Variants in WDR64 observed in about 807,000 individuals in gnomAD.
WDR64 encodes the protein WD repeat domain 64.
In WDR64, 112 loss-of-function variants were observed where a neutral mutation model predicts 139.3. That is an observed-to-expected ratio of 0.80 (90% CI 0.69 to 0.94). The LOEUF (loss-of-function observed/expected upper bound fraction) is 0.94. Ranked by LOEUF, WDR64 falls within the 40% of genes least tolerant of loss-of-function variation. The pLI is 0.00. For missense variants in WDR64, 1,206 were observed against 1,293.1 expected (o/e 0.93, Z 1.03); for synonymous variants, 444 against 437.7 (o/e 1.01, Z -0.18).
In WDR64 at chr1:241,671,161, C is replaced by T. The variant is rs761560844; in HGVS notation, c.364C>T (p.Arg122Ter). 28 of 1,547,680 alleles carry T rather than the reference C, an allele frequency of 1.8e-5. No homozygotes were observed. The highest frequency in any genetic ancestry group is 1.2e-4 in the East Asian group (5 of 40,858). The change falls in exon 3 of 28, where the codon CGA (arginine) becomes TGA (stop). Residue 122 changes from arginine to a stop codon, truncating the protein, a stop_gained. Transcript: ENST00000437684. LOFTEE classifies it high-confidence loss of function. ...NLVFFVSRKR[R>*]ILISGSRRRD... The stretch of plus-strand genomic sequence containing the variant: ...GGTTTTCTTTGTGTCTAGAAAAAGG[C>T]GAATTTTAATTTCAGGTGACATTTT...
chr1:241,721,767 C>T (rs1668620544), intron 9 of WDR64, among the ~76,000 whole-genome samples: 2 of 152,034 alleles, frequency 1.3e-5, no homozygotes, highest in South Asian at 4.1e-4. Context: ...TAAATGATTA[C>T]AGTTTTTATT....
intron 12 of WDR64, among the ~76,000 whole-genome samples, chr1:241,743,357 A>G (rs1245594540): frequency 2.0e-5 from 3 of 152,130 alleles, no homozygotes; most frequent in Non-Finnish European, 4.4e-5. Context: ...AACCCTGTCT[A>G]TAATCAGGGA....
chr1:241,783,232 A>G (rs1349788316), intron 22 of WDR64, 40 bp from the exon 23 acceptor site: 8 of 1,531,276 alleles, frequency 5.2e-6, no homozygotes, highest in Non-Finnish European at 9.0e-7. Flanking sequence ...TTACTAGCAT[A>G]TAGTTATTCC....
intron 2 of WDR64, among the ~76,000 whole-genome samples, chr1:241,661,951 G>A (rs1412819919): frequency 1.3e-5 from 2 of 152,152 alleles, no homozygotes; most frequent in African/African-American, 4.8e-5. Context: ...TTTTGATAGA[G>A]GCTGAATGGC....
intron 27 of WDR64, among the ~76,000 whole-genome samples, chr1:241,800,751 TA>T (rs1659499309): frequency 6.6e-6 from 1 of 152,216 alleles, no homozygotes; most frequent in African/African-American, 2.4e-5. Context: ...CTGATGTTAT[TA>T]ATCTGCAATA....
chr1:241,692,661 T>C (rs982805106), intron 8 of WDR64, among the ~76,000 whole-genome samples: 2 of 152,168 alleles, frequency 1.3e-5, no homozygotes, highest in South Asian at 2.1e-4. Flanking sequence ...GAAGGAAGTA[T>C]TTGCAAAAGA....
chr1:241,673,204 T>G (rs1407890129), intron 3 of WDR64, among the ~76,000 whole-genome samples: 1 of 140,412 alleles, frequency 7.1e-6, no homozygotes, highest in African/African-American at 2.5e-5. Flanking sequence ...GGGGGAGGGA[T>G]AGCATTAGGA....
Position 241,766,714 on chromosome 1 carries a change from A to C in WDR64, c.2081+363A>C, listed in dbSNP as rs533794981. Among the ~76,000 whole-genome samples the C allele has an allele frequency of 1.9e-4, 29 of 152,202 alleles. No individual in the cohort carries two copies. The East Asian group carries it at 5.2e-3, about 27-fold the overall frequency. On this transcript the variant is annotated intron_variant, in intron 16 of 27. Coordinates refer to ENST00000437684, the MANE Select transcript of WDR64 (RefSeq NM_001367482.1). ...AGTGAAACTCAGTATAAAAAAAAAAAAAAAAACCTCAGGGGACAAAAAAGC... is the reference window on the plus strand; with the variant it reads ...AGTGAAACTCAGTATAAAAAAAAAACAAAAAACCTCAGGGGACAAAAAAGC...
At chr1:241,659,110 C>G (rs1449427132) in intron 1 of WDR64, among the ~76,000 whole-genome samples, 1 of 152,146 alleles carries the variant, frequency 6.6e-6, no homozygotes, top group Non-Finnish European at 1.5e-5. Context: ...CACCATGTGT[C>G]CTTGTGTTCT....
At chr1:241,726,676 T>C (rs1471736480) in intron 10 of WDR64, among the ~76,000 whole-genome samples, 1 of 152,054 alleles carries the variant, frequency 6.6e-6, no homozygotes, top group Non-Finnish European at 1.5e-5. Context: ...TATGAAAATA[T>C]CTAAATAATA....
intron 15 of WDR64, among the ~76,000 whole-genome samples, chr1:241,763,405 T>C (rs1658009602): frequency 6.6e-6 from 1 of 152,222 alleles, no homozygotes; most frequent in South Asian, 2.1e-4. Context: ...TTTAAAATTA[T>C]AGATTGAAAG....
chr1:241,764,221 G>A (rs1450504066), intron 15 of WDR64, among the ~76,000 whole-genome samples: 3 of 152,158 alleles, frequency 2.0e-5, no homozygotes. Flanking sequence ...GCCATGGAAG[G>A]GCTTTAAATG....
intron 27 of WDR64, among the ~76,000 whole-genome samples, chr1:241,797,305 C>G (rs1374597224): frequency 1.3e-5 from 2 of 152,158 alleles, no homozygotes; most frequent in Admixed American, 1.3e-4. Flanking sequence ...TTCAATGAAA[C>G]CATGATAGCC....
At chr1:241,689,070 C>T (rs370021511) in intron 8 of WDR64, among the ~76,000 whole-genome samples, 15 of 152,222 alleles carry the variant, frequency 9.9e-5, no homozygotes, top group African/African-American at 3.6e-4. Context: ...CCTCTGGTCG[C>T]ACCTAAGAGG....
chr1:241,679,618 C>CA (rs1666697485), intron 6 of WDR64, 23 bp downstream of exon 6: 3 of 1,538,196 alleles, frequency 2.0e-6, no homozygotes, highest in South Asian at 2.4e-5. Context: ...GAGAAATACT[C>CA]AAAGAAATGA....
chr1:241,800,488 C>T (rs1397180534), intron 27 of WDR64, among the ~76,000 whole-genome samples: 1 of 151,880 alleles, frequency 6.6e-6, no homozygotes. Context: ...CAATGCAAAA[C>T]AAACTTTTAT....
chr1:241,697,479 G>T (rs1306559217), intron 8 of WDR64, among the ~76,000 whole-genome samples: 2 of 151,984 alleles, frequency 1.3e-5, no homozygotes, highest in Non-Finnish European at 2.9e-5. Flanking sequence ...TAGACACAGG[G>T]TCTCACTGTG....
rs146909913 is a variant in WDR64 at position 241,652,387 on chromosome 1, G to A, written c.-98G>A. The A allele has an allele frequency of 1.4e-3, 1,771 of 1,302,854 alleles. 11 individuals carry two copies. The highest frequency in any genetic ancestry group is 0.013 in the Middle Eastern group (71 of 5,308). The allele number at this position is 1,302,854 out of a possible 1,614,324, so 80.7% of individuals were successfully genotyped here. A position where few individuals can be genotyped will look rare whatever the true frequency, so the allele number is the denominator to read the frequency against. ...AGGAATTAGACCTAGGGCAAAAACT[G>A]AGACAGCAGGGAGGCACTGTAACAA... On this transcript the variant is annotated 5_prime_UTR_variant, in exon 1 of 28. Coordinates refer to ENST00000437684, the MANE Select transcript of WDR64 (RefSeq NM_001367482.1).
At position 241,652,552 on chromosome 1, in the gene WDR64, A is replaced by G. The variant is rs1398117316; in HGVS notation, c.68A>G (p.Asn23Ser). ...ATGAGCAATTTCAAAAAGGCTTTGA[A>G]CAGGTTTGAAAAATTGGTTGAACAA... The part of the protein sequence containing the change: ...LQMSNFKKAL[N>S]RFEKLVEQTA... The change falls in exon 1 of 28, where the codon AAC (asparagine) becomes AGC (serine). Residue 23 changes from asparagine to serine, a missense_variant. Physicochemically the swap from Asn to Ser is conservative, Grantham distance 46. Coordinates refer to ENST00000437684, the MANE Select transcript of WDR64 (RefSeq NM_001367482.1). 6.4e-7 allele frequency: 1 copy of G among 1,552,066 alleles called. No individual in the cohort carries two copies. Among genetic ancestry groups the G allele is most frequent in the Non-Finnish European group, 8.7e-7 (1 of 1,147,096 alleles).
Sources: allele counts gnomAD v4.1 joint callset (sites outside exome capture counted in the v4.1 genomes callset), GRCh38; gene constraint gnomAD v4.1.1; transcripts MANE v1.5; gene names NCBI Gene and HGNC (gene_info 2026-07-23, HGNC 2026-07-21).